The following FBLN5 variants were observed in gnomAD, a reference collection of about 807,000 sequenced individuals.
FBLN5 encodes fibulin-5.
FBLN5 carries 24 observed loss-of-function variants against 61.6 expected under a neutral mutation model. That is an observed-to-expected ratio of 0.39 (90% confidence interval 0.28 to 0.55). FBLN5 has a LOEUF of 0.55. Ranked by LOEUF, FBLN5 falls within the 20% of genes least tolerant of loss-of-function variation. FBLN5 has a pLI of 0.65. For missense variants in FBLN5, 470 were observed against 594.1 expected (o/e 0.79, Z 2.17); for synonymous variants, 213 against 219.8 (o/e 0.97, Z 0.27).
At chr14:91,934,354 C>CTT (rs1730165283) in intron 4 of FBLN5, among the ~76,000 whole-genome samples, 1 of 152,122 alleles carries the variant, frequency 6.6e-6, no homozygotes, top group South Asian at 2.1e-4. Flanking sequence ...TGCTGTGTGA[C>CTT]TTTGAACAGG....
At chr14:91,928,568 T>A (rs987604748) in intron 4 of FBLN5, among the ~76,000 whole-genome samples, 1 of 150,164 alleles carries the variant, frequency 6.7e-6, no homozygotes, top group African/African-American at 2.5e-5. Flanking sequence ...GCCCAGGAGT[T>A]AGAGACTAGC....
intron 4 of FBLN5, among the ~76,000 whole-genome samples, chr14:91,904,600 G>A (rs1890599054): frequency 6.6e-6 from 1 of 152,236 alleles, no homozygotes; most frequent in Admixed American, 6.5e-5. Flanking sequence ...AGTTCTCGAG[G>A]CTGGAAGTCC....
chr14:91,881,562 G>A (rs1163166687), intron 8 of FBLN5, 144 bp from the exon 9 acceptor site: 2 of 851,502 alleles, frequency 2.3e-6, no homozygotes, highest in Non-Finnish European at 3.9e-6. Flanking sequence ...TGAGTACTTG[G>A]AATGTGGCTG....
intron 4 of FBLN5, among the ~76,000 whole-genome samples, chr14:91,935,308 C>A (rs2055995354): frequency 6.6e-6 from 1 of 152,238 alleles, no homozygotes; most frequent in Non-Finnish European, 1.5e-5. Context: ...CAGTTCCCAG[C>A]CGTTCTGCAA....
At chr14:91,883,664 A>AAAAAC (rs758858453) in intron 7 of FBLN5, among the ~76,000 whole-genome samples, 31 of 148,460 alleles carry the variant, frequency 2.1e-4, no homozygotes, top group African/African-American at 7.8e-4. Flanking sequence ...AAACAAAAAA[A>AAAAAC]ACACACACAC....
intron 4 of FBLN5, among the ~76,000 whole-genome samples, chr14:91,927,033 G>A (rs544256861): frequency 1.3e-5 from 2 of 152,276 alleles, no homozygotes; most frequent in South Asian, 4.1e-4. Flanking sequence ...TCTACCACTA[G>A]TGCCTGGCAT....
intron 8 of FBLN5, among the ~76,000 whole-genome samples, chr14:91,881,905 CAGG>C (rs547145984): frequency 1.3e-5 from 2 of 151,850 alleles, no homozygotes; most frequent in Non-Finnish European, 2.9e-5. Context: ...GTAGTAAAAA[CAGG>C]AGTTCAAGAC....
chr14:91,907,428 C>T (rs561713533), intron 4 of FBLN5, among the ~76,000 whole-genome samples: 5 of 152,274 alleles, frequency 3.3e-5, no homozygotes, highest in South Asian at 2.1e-4. Context: ...CTCTTTGTTA[C>T]AGTGGCTTAG....
At chr14:91,928,902 CA>C (rs1266589353) in intron 4 of FBLN5, among the ~76,000 whole-genome samples, 2 of 150,148 alleles carry the variant, frequency 1.3e-5, no homozygotes, top group East Asian at 3.9e-4. Flanking sequence ...ACTAAAAATA[CA>C]AAAAATTAGC....
chr14:91,894,426 A>G (rs1170817518), intron 5 of FBLN5, among the ~76,000 whole-genome samples: 2 of 143,258 alleles, frequency 1.4e-5, no homozygotes, highest in Non-Finnish European at 3.1e-5. Flanking sequence ...AAAAAAAAAA[A>G]ACCGAAAAAA....
At chr14:91,894,402 C>CAAAAAA (rs58035118) in intron 5 of FBLN5, among the ~76,000 whole-genome samples, 34 of 34,262 alleles carry the variant, frequency 9.9e-4, no homozygotes, top group East Asian at 1.3e-3. Context: ...GACACCATAT[C>CAAAAAA]AAAAAAAAAA....
At chr14:91,920,404 G>A (rs142436027) in intron 4 of FBLN5, among the ~76,000 whole-genome samples, 3 of 152,230 alleles carry the variant, frequency 2.0e-5, no homozygotes, top group Non-Finnish European at 2.9e-5. Context: ...TTATCTAAAC[G>A]AATCTTAAAG....
chr14:91,890,269 A>G (rs1889929500), intron 6 of FBLN5, among the ~76,000 whole-genome samples: 1 of 152,246 alleles, frequency 6.6e-6, no homozygotes, highest in Non-Finnish European at 1.5e-5. Context: ...ATACAATTAA[A>G]GTAAAGGAGA....
At position 91,918,744 on chromosome 14, in the gene FBLN5, G is replaced by A. The variant is rs147909151; in HGVS notation, c.379+18203C>T. Reference sequence around the variant, plus strand: ...ACTTATTACCCAACTTTCTTGGACAGCTGACCTATCAACAAGCCAGCAAAC... The same window carrying A: ...ACTTATTACCCAACTTTCTTGGACAACTGACCTATCAACAAGCCAGCAAAC... On this transcript the variant is annotated intron_variant, in intron 4 of 10. Coordinates refer to ENST00000342058, the MANE Select transcript of FBLN5 (RefSeq NM_006329.4). Among the ~76,000 whole-genome samples the A allele has an allele frequency of 7.1e-3, 1,078 of 152,326 alleles. 10 individuals carry two copies. Among genetic ancestry groups the A allele is most frequent in the South Asian group, 0.034 (164 of 4,828 alleles).
chr14:91,891,103 C>A, intron 6 of FBLN5, 118 bp downstream of exon 6: 1 of 755,270 alleles, frequency 1.3e-6, no homozygotes, highest in South Asian at 1.4e-5. Flanking sequence ...CGGGCAGTGG[C>A]AAGGAATGGG....
intron 1 of FBLN5, among the ~76,000 whole-genome samples, chr14:91,945,559 C>T (rs1484689546): frequency 6.6e-6 from 1 of 152,142 alleles, no homozygotes; most frequent in Non-Finnish European, 1.5e-5. Flanking sequence ...ATTCTGGGGC[C>T]CGTTACTACA....
chr14:91,916,071 G>A (rs1310947742), intron 4 of FBLN5, among the ~76,000 whole-genome samples: 1 of 152,204 alleles, frequency 6.6e-6, no homozygotes, highest in Non-Finnish European at 1.5e-5. Flanking sequence ...GATAATGATG[G>A]TTACATATGG....
chr14:91,934,283 C>CA (rs2055976581), intron 4 of FBLN5, among the ~76,000 whole-genome samples: 1 of 152,230 alleles, frequency 6.6e-6, no homozygotes, highest in Admixed American at 6.5e-5. Context: ...ATCTATACCT[C>CA]ACTGAGCCTG....
intron 1 of FBLN5, among the ~76,000 whole-genome samples, chr14:91,945,579 CACA>C (rs1322661487): frequency 1.3e-5 from 2 of 152,152 alleles, no homozygotes; most frequent in African/African-American, 4.8e-5. Context: ...AAACGTGCAC[CACA>C]ACAATATAAT....
Sources: gnomAD v4.1 joint callset for allele counts (sites outside exome capture counted in the v4.1 genomes callset) on GRCh38, gnomAD v4.1.1 for gene constraint, MANE v1.5 for transcripts, NCBI Gene and HGNC (gene_info 2026-07-23, HGNC 2026-07-21) for gene names.